The following NXPH2 variants were observed in gnomAD, a reference collection of about 807,000 sequenced individuals.
The protein encoded by NXPH2 is neurexophilin-2.
NXPH2 carries 5 observed loss-of-function variants against 19.8 expected under a neutral mutation model. The ratio of observed to expected loss-of-function variants is 0.25; its 90% confidence interval spans 0.13 to 0.53. The LOEUF (loss-of-function observed/expected upper bound fraction) is 0.53. NXPH2 is among the 20% of genes least tolerant of loss of function. NXPH2 has a pLI of 0.96. For missense variants in NXPH2, 289 were observed against 322.8 expected (o/e 0.90, Z 0.80); for synonymous variants, 154 against 127.4 (o/e 1.21, Z -1.41).
At chr2:138,708,164 A>T (rs1248445981) in intron 1 of NXPH2, among the ~76,000 whole-genome samples, 1 of 152,188 alleles carries the variant, frequency 6.6e-6, no homozygotes. Context: ...ACAGAATTTC[A>T]TTGTTTTTCT....
At chr2:138,732,314 G>T (rs1466777756) in intron 1 of NXPH2, among the ~76,000 whole-genome samples, 4 of 152,156 alleles carry the variant, frequency 2.6e-5, no homozygotes, top group African/African-American at 4.8e-5. Context: ...GGAGAAAGTC[G>T]AGAAGCTCTC....
Position 138,671,165 on chromosome 2 carries a change from A to G in NXPH2, c.552T>C (p.Ser184=). The part of the protein sequence containing the change: ...QSTLETKESK[S]FNCRIEYEKT... ...TTTCATACTCAATGCGACAATTGAA[A>G]GATTTGGATTCCTTGGTCTCCAAGG... The change falls in exon 2 of 2, where the codon TCT becomes TCC. Residue 184 remains serine, a synonymous_variant. Transcript: ENST00000272641. 1 of 1,613,994 alleles carries G rather than the reference A, an allele frequency of 6.2e-7. No homozygotes were observed. Among genetic ancestry groups the G allele is most frequent in the African/African-American group, 1.3e-5 (1 of 75,044 alleles).
At chr2:138,692,069 G>A (rs1680755369) in intron 1 of NXPH2, among the ~76,000 whole-genome samples, 1 of 152,198 alleles carries the variant, frequency 6.6e-6, no homozygotes, top group Non-Finnish European at 1.5e-5. Context: ...GGTAATCAGA[G>A]CTTTGCCCTA....
rs144847221 is a variant in NXPH2, at chr2:138,748,416, C to A, written c.51+31775G>T. On this transcript the variant is annotated intron_variant, in intron 1 of 1. Coordinates refer to ENST00000272641, the MANE Select transcript of NXPH2 (RefSeq NM_007226.3). ...GGCATCCTGTTGCCCAACAAGGCCA[C>A]TTTCTAGGCTGTTTCTCCAATATGG... Among the ~76,000 whole-genome samples, 55 of 152,286 alleles carry A rather than the reference C, an allele frequency of 3.6e-4. 1 individual carries two copies. In the East Asian group the frequency reaches 0.01, roughly 28 times the overall value.
At chr2:138,739,876 G>GA (rs963625436) in intron 1 of NXPH2, among the ~76,000 whole-genome samples, 1 of 152,044 alleles carries the variant, frequency 6.6e-6, no homozygotes, top group East Asian at 1.9e-4. Flanking sequence ...AGAGAAGAGG[G>GA]AAAAAAATAG....
intron 1 of NXPH2, among the ~76,000 whole-genome samples, chr2:138,679,382 GGAGTAGGAGAGGCC>G (rs1329407123): frequency 3.3e-5 from 5 of 151,942 alleles, no homozygotes; most frequent in Non-Finnish European, 1.5e-5. Flanking sequence ...TGGCAGCGGG[GGAGTAGGAGAGGCC>G]TGAATTTTTT....
At chr2:138,747,841 T>C (rs1373146945) in intron 1 of NXPH2, among the ~76,000 whole-genome samples, 1 of 152,162 alleles carries the variant, frequency 6.6e-6, no homozygotes, top group East Asian at 1.9e-4. Flanking sequence ...CCAGAATTTG[T>C]CTACGCTGCC....
At chr2:138,702,650 C>A (rs1002634357) in intron 1 of NXPH2, among the ~76,000 whole-genome samples, 1 of 140,530 alleles carries the variant, frequency 7.1e-6, no homozygotes, top group East Asian at 2.3e-4. Flanking sequence ...AATAGAGTGA[C>A]AAATGAAGCC....
chr2:138,687,924 C>T (rs1047577938), intron 1 of NXPH2, among the ~76,000 whole-genome samples: 3 of 152,156 alleles, frequency 2.0e-5, no homozygotes, highest in African/African-American at 7.2e-5. Flanking sequence ...TAGTACCATG[C>T]TGTTCTGGTT....
intron 1 of NXPH2, among the ~76,000 whole-genome samples, chr2:138,707,451 G>T (rs967566062): frequency 3.9e-5 from 6 of 152,120 alleles, no homozygotes; most frequent in Non-Finnish European, 8.8e-5. Flanking sequence ...ATCTGGGGGG[G>T]AGAAAAGCTT....
chr2:138,754,569 C>T (rs1302876827), intron 1 of NXPH2, among the ~76,000 whole-genome samples: 2 of 152,146 alleles, frequency 1.3e-5, no homozygotes, highest in Non-Finnish European at 1.5e-5. Context: ...GGTACCATGG[C>T]TTGTTTATCT....
intron 1 of NXPH2, among the ~76,000 whole-genome samples, 179 bp downstream of exon 1, chr2:138,780,012 T>C (rs1157582295): frequency 6.6e-6 from 1 of 152,128 alleles, no homozygotes; most frequent in Non-Finnish European, 1.5e-5. Context: ...TCCCGTCTAT[T>C]CCGTTCTTCA....
chr2:138,699,637 T>C (rs1680888169), intron 1 of NXPH2, among the ~76,000 whole-genome samples: 1 of 151,168 alleles, frequency 6.6e-6, no homozygotes, highest in Admixed American at 6.6e-5. Flanking sequence ...GACATGGGAG[T>C]GAGGGCAGGC....
At chr2:138,687,690 T>C (rs1680682512) in intron 1 of NXPH2, among the ~76,000 whole-genome samples, 1 of 152,246 alleles carries the variant, frequency 6.6e-6, no homozygotes, top group Non-Finnish European at 1.5e-5. Context: ...TTTAAGTCTT[T>C]AATCCATTTT....
chr2:138,763,112 G>A (rs112201734), intron 1 of NXPH2, among the ~76,000 whole-genome samples: 55 of 152,268 alleles, frequency 3.6e-4, no homozygotes, highest in African/African-American at 1.3e-3. Flanking sequence ...AATTGGAAAA[G>A]ACAGTAAGAT....
At chr2:138,721,793 C>A (rs1052937150) in intron 1 of NXPH2, among the ~76,000 whole-genome samples, 2 of 152,210 alleles carry the variant, frequency 1.3e-5, no homozygotes, top group Admixed American at 1.3e-4. Context: ...AAGCTTTAAA[C>A]TTCCCCAGGC....
Position 138,722,257 on chromosome 2 carries a change from T to C in NXPH2, c.52-50592A>G, listed in dbSNP as rs555086936. 7.2e-5 allele frequency among the ~76,000 whole-genome samples: 11 copies of C among 152,322 alleles called. No individual in the cohort carries two copies. In the South Asian group the frequency reaches 2.3e-3, roughly 32 times the overall value. On this transcript the variant is annotated intron_variant, in intron 1 of 1. Coordinates refer to ENST00000272641, the MANE Select transcript of NXPH2 (RefSeq NM_007226.3). ...GTCAAGAAAGGAATCCGTGAGAAGG[T>C]CATATTTAAACACACACTTGCAGAA...
Position 138,670,774 on chromosome 2 carries a change from T to C in NXPH2, c.*148A>G. The C allele has an allele frequency of 1.3e-6, 1 of 799,104 alleles. No homozygotes were observed. Among genetic ancestry groups the C allele is most frequent in the South Asian group, 2.5e-5 (1 of 39,294 alleles). 49.5% of individuals were successfully genotyped at this position (799,104 alleles called of 1,614,324 possible). ...AATTTCACACTTAAAGATGTCTCTT[T>C]TTCTTTTTTTAAATTTGAAAACCTG... On this transcript the variant is annotated 3_prime_UTR_variant, in exon 2 of 2. Coordinates refer to ENST00000272641, the MANE Select transcript of NXPH2 (RefSeq NM_007226.3).
intron 1 of NXPH2, among the ~76,000 whole-genome samples, chr2:138,760,448 A>G (rs1196948145): frequency 6.6e-6 from 1 of 152,220 alleles, no homozygotes; most frequent in Non-Finnish European, 1.5e-5. Context: ...TATAGAACAG[A>G]GAAAACCATA....
Sources: allele counts gnomAD v4.1 joint callset (sites outside exome capture counted in the v4.1 genomes callset), GRCh38; gene constraint gnomAD v4.1.1; transcripts MANE v1.5; gene names NCBI Gene and HGNC (gene_info 2026-07-23, HGNC 2026-07-21).